The following SCARA3 variants were observed in gnomAD, a reference collection of about 807,000 sequenced individuals.
SCARA3 encodes cellular stress response gene protein.
A neutral mutation model predicts 47.0 loss-of-function variants in SCARA3; 39 were observed. The observed-to-expected ratio is 0.83, with a 90% CI of 0.64 to 1.08. The LOEUF is 1.08. SCARA3 is among the 50% of genes least tolerant of loss of function. The pLI is 0.00. For missense variants in SCARA3, 724 were observed against 792.3 expected, an observed-to-expected ratio of 0.91 and a Z score of 1.04; for synonymous variants, 356 against 334.1, an observed-to-expected ratio of 1.07 and a Z score of -0.71.
chr8:27,690,467 T>A, the SCARA3 span, among the ~76,000 whole-genome samples: 1 of 152,200 alleles, frequency 6.6e-6, no homozygotes, highest in Non-Finnish European at 1.5e-5. Flanking sequence ...TGAAGCAGTC[T>A]GTAATAGCAA....
At chr8:27,675,830 C>T (rs1802267441), downstream of SCARA3, among the ~76,000 whole-genome samples, 1 of 151,438 alleles carries the variant, frequency 6.6e-6, no homozygotes, top group Admixed American at 6.6e-5. Context: ...TTGTGGGCCT[C>T]CCCCCCAGAA....
At chr8:27,723,962 A>AT in the SCARA3 span, among the ~76,000 whole-genome samples, 2 of 152,112 alleles carry the variant, frequency 1.3e-5, no homozygotes, top group African/African-American at 4.8e-5. Flanking sequence ...TCTCGAACAC[A>AT]TAGCCTCAAG....
chr8:27,702,989 C>G, the SCARA3 span: 1 of 152,476 alleles, frequency 6.6e-6, no homozygotes. Flanking sequence ...GCTCTCCCTC[C>G]TCAGGCCCTG....
chr8:27,688,409 A>AAC, the SCARA3 span, among the ~76,000 whole-genome samples: 3 of 151,984 alleles, frequency 2.0e-5, no homozygotes, highest in Non-Finnish European at 4.4e-5. Context: ...CAAAAAAAAA[A>AAC]AACCAGCCAG....
the SCARA3 span, among the ~76,000 whole-genome samples, chr8:27,719,288 C>A: frequency 6.6e-6 from 1 of 152,104 alleles, no homozygotes. Context: ...AGCAGAAAAC[C>A]AAATACTGCA....
downstream of SCARA3, among the ~76,000 whole-genome samples, chr8:27,681,069 C>T (rs1802347295): frequency 6.6e-6 from 1 of 152,114 alleles, no homozygotes; most frequent in South Asian, 2.1e-4. Context: ...TGCTTTCTCT[C>T]CAAAATCAAG....
the SCARA3 span, among the ~76,000 whole-genome samples, chr8:27,710,003 G>A: frequency 6.6e-6 from 1 of 152,062 alleles, no homozygotes; most frequent in Non-Finnish European, 1.5e-5. Flanking sequence ...GGCTAAGGGG[G>A]GCGGATCATG....
chr8:27,665,985 T>G (rs1357550844), intron 5 of SCARA3, among the ~76,000 whole-genome samples: 1 of 152,178 alleles, frequency 6.6e-6, no homozygotes, highest in Non-Finnish European at 1.5e-5. Flanking sequence ...ACAAAGGGAT[T>G]CAATCTGCAA....
the SCARA3 span, chr8:27,703,903 A>G: frequency 2.7e-5 from 4 of 147,040 alleles, no homozygotes; most frequent in African/African-American, 1.0e-4. Context: ...CTGTGGGGAA[A>G]AAAACATAAT....
At position 27,646,966 on chromosome 8, in the gene SCARA3, GCC is replaced by G. The variant is rs869278331; in HGVS notation, c.8-2732_8-2731del. Among the ~76,000 whole-genome samples the G allele has an allele frequency of 2.0e-4, 6 of 29,858 alleles. 1 individual carries two copies. Among genetic ancestry groups the G allele is most frequent in the East Asian group, 5.3e-3 (2 of 380 alleles). The allele number at this position is 29,858 out of a possible 152,430, so 19.6% of individuals were successfully genotyped here. On this transcript the variant is annotated intron_variant, in intron 1 of 5. Transcript: ENST00000301904. ...AAAGCACTTGCCCGCACCCCTGACC[GCC>G]CCCGCCCCCCCCCCGCACACACACA... is the stretch of plus-strand genomic sequence containing the variant.
upstream of SCARA3, chr8:27,633,884 G>C (rs1801187504): frequency 6.5e-6 from 1 of 155,026 alleles, no homozygotes; most frequent in Non-Finnish European, 1.4e-5. Flanking sequence ...AAGGGTGCGC[G>C]GGGCGAGGGG....
At chr8:27,689,728 C>T in the SCARA3 span, among the ~76,000 whole-genome samples, 2 of 152,172 alleles carry the variant, frequency 1.3e-5, no homozygotes, top group East Asian at 1.9e-4. Flanking sequence ...CCGGTGCTCT[C>T]TCAGCTATGC....
rs1031205242 is a variant in SCARA3, at chr8:27,658,754, G to T, written c.584G>T (p.Trp195Leu). The T allele has an allele frequency of 1.3e-5, 21 of 1,613,968 alleles. No homozygotes were observed. The highest frequency in any genetic ancestry group is 1.6e-4 in the Middle Eastern group (1 of 6,084). Reference sequence around the variant, plus strand: ...CTCTTCCTGGCCCAGGTGAGAGGCTGGCAGGCCACCACAGCTGGCCTGGAC... The same window carrying T: ...CTCTTCCTGGCCCAGGTGAGAGGCTTGCAGGCCACCACAGCTGGCCTGGAC... ...LGLFLAQVRG[W>L]QATTAGLDLS... Residue 195 changes from tryptophan (W) to leucine (L), a missense_variant, in exon 5 of 6, where the codon TGG becomes TTG. Transcript: ENST00000301904.
intron 5 of SCARA3, among the ~76,000 whole-genome samples, chr8:27,669,586 C>T (rs2128923606): frequency 6.6e-6 from 1 of 152,366 alleles, no homozygotes; most frequent in South Asian, 2.1e-4. Context: ...TCATCCCTGG[C>T]TAACTCAACA....
intron 3 of SCARA3, among the ~76,000 whole-genome samples, chr8:27,652,892 C>A (rs1355450893): frequency 6.6e-6 from 1 of 152,164 alleles, no homozygotes; most frequent in Admixed American, 6.5e-5. Flanking sequence ...AGGACCCAGG[C>A]CTTAGTCATT....
intron 5 of SCARA3, among the ~76,000 whole-genome samples, chr8:27,660,304 T>TAG (rs1215897592): frequency 4.0e-5 from 6 of 151,580 alleles, no homozygotes; most frequent in East Asian, 1.9e-4. Context: ...TATATATATA[T>TAG]AGAGAGATAG....
At chr8:27,646,558 C>T (rs978374958) in intron 1 of SCARA3, among the ~76,000 whole-genome samples, 14 of 152,092 alleles carry the variant, frequency 9.2e-5, no homozygotes, top group African/African-American at 2.7e-4. Flanking sequence ...TGGAGAGAAA[C>T]GAGGAACCCG....
the SCARA3 span, chr8:27,701,210 A>G: frequency 4.9e-3 from 753 of 152,352 alleles, 6 homozygotes; most frequent in African/African-American, 0.017. Context: ...ATGATGTTCT[A>G]GAAAAACTAA....
intron 1 of SCARA3, among the ~76,000 whole-genome samples, chr8:27,638,258 C>T (rs1312302760): frequency 6.6e-6 from 1 of 151,882 alleles, no homozygotes. Context: ...GGTGGCATAG[C>T]TGGGCATGGC....
Sources: gnomAD v4.1 joint callset for allele counts (sites outside exome capture counted in the v4.1 genomes callset) on GRCh38, gnomAD v4.1.1 for gene constraint, MANE v1.5 for transcripts, NCBI Gene and HGNC (gene_info 2026-07-23, HGNC 2026-07-21) for gene names.